DNAJC24: variants seen among roughly 807,000 people sequenced by gnomAD.
DNAJC24 encodes DnaJ heat shock protein family (Hsp40) member C24.
DNAJC24 carries 17 observed loss-of-function variants against 18.0 expected under a neutral mutation model. The ratio of observed to expected loss-of-function variants is 0.94; its 90% CI spans 0.65 to 1.42. The LOEUF (loss-of-function observed/expected upper bound fraction) is 1.42. Among genes scored for constraint, DNAJC24 ranks in the 40% most tolerant of loss-of-function variants. The probability of loss-of-function intolerance (pLI) is 0.00; values close to 1 mark genes in which losing one functional copy is unlikely to be tolerated. For missense variants in DNAJC24, 158 were observed against 175.6 expected, an observed-to-expected ratio of 0.90 and a Z score of 0.57; for synonymous variants, 55 against 57.7, an observed-to-expected ratio of 0.95 and a Z score of 0.21.
At chr11:31,376,176 A>G (rs1259171668) in intron 2 of DNAJC24, among the ~76,000 whole-genome samples, 3 of 152,218 alleles carry the variant, frequency 2.0e-5, no homozygotes, top group Non-Finnish European at 2.9e-5. Context: ...GCCTGCTGCC[A>G]TGTAAGACAT....
At chr11:31,384,263 T>C (rs1302918623) in intron 2 of DNAJC24, among the ~76,000 whole-genome samples, 1 of 152,184 alleles carries the variant, frequency 6.6e-6, no homozygotes, top group Non-Finnish European at 1.5e-5. Context: ...TCAGAAAGTC[T>C]CCCCACTTCT....
At position 31,432,367 on chromosome 11, in the gene DNAJC24, T is replaced by G. The variant is rs1316916090; in HGVS notation, c.*1966T>G. 1.7e-6 allele frequency: 1 copy of G among 598,276 alleles called. No individual in the cohort carries two copies. The highest frequency in any genetic ancestry group is 1.9e-5 in the African/African-American group (1 of 53,466). The allele number at this position is 598,276 out of a possible 1,614,324, so 37.1% of individuals were successfully genotyped here. On this transcript the variant is annotated 3_prime_UTR_variant, in exon 5 of 5. Transcript: ENST00000465995. ...AACTTGGCAGAATGTGTGTTGAATA[T>G]TCTTTACATTTAACAATTAAAAACA...
At chr11:31,374,036 A>C in intron 2 of DNAJC24, 1 of 332,842 alleles carries the variant, frequency 3.0e-6, no homozygotes, top group South Asian at 2.3e-5. Context: ...TGTCATTTGC[A>C]GATAACGAGA....
At chr11:31,376,613 G>C (rs1286478729) in intron 2 of DNAJC24, among the ~76,000 whole-genome samples, 3 of 152,188 alleles carry the variant, frequency 2.0e-5, no homozygotes, top group African/African-American at 7.2e-5. Flanking sequence ...TAAGTGGTTT[G>C]TCAGAAACAC....
intron 2 of DNAJC24, among the ~76,000 whole-genome samples, chr11:31,401,739 G>A (rs1952603168): frequency 6.6e-6 from 1 of 152,166 alleles, no homozygotes; most frequent in Non-Finnish European, 1.5e-5. Context: ...GGAGAATGGA[G>A]GCAATCATTA....
chr11:31,432,559 G>C lies in DNAJC24; in HGVS notation c.*2158G>C. On this transcript the variant is annotated 3_prime_UTR_variant, in exon 5 of 5. Coordinates refer to ENST00000465995, the MANE Select transcript of DNAJC24 (RefSeq NM_181706.5). Reference sequence around the variant, plus strand: ...GCACGTAAAAATCCAAAATCACTCAGAGGCCAAATCTGTAAAATCAAAATG... The same window carrying C: ...GCACGTAAAAATCCAAAATCACTCACAGGCCAAATCTGTAAAATCAAAATG... 1 of 1,611,306 alleles carries C rather than the reference G, an allele frequency of 6.2e-7. No individual in the cohort carries two copies.
intron 2 of DNAJC24, chr11:31,396,219 C>A: frequency 2.2e-6 from 1 of 444,662 alleles, no homozygotes; most frequent in South Asian, 1.6e-5. Flanking sequence ...CCTCTCTGGG[C>A]AGGAGCATGT....
rs957828834 is a variant in DNAJC24 at position 31,432,004 on chromosome 11, G to A, written c.*1603G>A. On this transcript the variant is annotated 3_prime_UTR_variant, in exon 5 of 5. Transcript: ENST00000465995. ...ATTTAATATTTTGTGTACAGTAAAA[G>A]TCAGAACTCATTTAAAGAACTTTAA... 2.0e-5 allele frequency among the ~76,000 whole-genome samples: 3 copies of A among 152,082 alleles called. No homozygotes were observed. The highest frequency in any genetic ancestry group is 4.4e-5 in the Non-Finnish European group (3 of 68,014).
intron 2 of DNAJC24, chr11:31,408,201 C>T: frequency 2.2e-6 from 1 of 456,216 alleles, no homozygotes. Context: ...CATCTTCTGA[C>T]TTGCCCATGA....
At chr11:31,429,470 T>G (rs1407188560) in intron 4 of DNAJC24, 1 of 399,054 alleles carries the variant, frequency 2.5e-6, no homozygotes, top group Middle Eastern at 3.5e-4. Flanking sequence ...GATAAGTTAT[T>G]TTCCTTTGAC....
intron 2 of DNAJC24, among the ~76,000 whole-genome samples, chr11:31,404,249 A>G (rs1373746488): frequency 1.3e-5 from 2 of 152,190 alleles, no homozygotes; most frequent in South Asian, 2.1e-4. Context: ...CCATCTGGGA[A>G]TGCAGCCCAG....
At position 31,373,642 on chromosome 11, in the gene DNAJC24, T is replaced by C. The variant is rs971377568; in HGVS notation, c.111+2783T>C. On this transcript the variant is annotated intron_variant, in intron 2 of 4. Coordinates refer to ENST00000465995, the MANE Select transcript of DNAJC24 (RefSeq NM_181706.5). ...TTGTAAATGTCTACCAAAAAAATCT[T>C]GCTTGAGTTTTCAACTGGGATTGCA... 5.9e-5 allele frequency among the ~76,000 whole-genome samples: 8 copies of C among 135,144 alleles called. 2 individuals are homozygous for C. The highest frequency in any genetic ancestry group is 1.7e-4 in the African/African-American group (7 of 40,372). The allele number at this position is 135,144 out of a possible 152,430, so 88.7% of individuals were successfully genotyped here.
chr11:31,370,801 C>T lies in DNAJC24; in HGVS notation c.53C>T (p.Ala18Val). 1 of 1,613,078 alleles carries T rather than the reference C, an allele frequency of 6.2e-7. No homozygotes were observed. Reference sequence around the variant, plus strand: ...AAGGATTGGTACAGCATCCTGGGAGCAGACCCATCTGCAAATATATCAGAC... The same window carrying T: ...AAGGATTGGTACAGCATCCTGGGAGTAGACCCATCTGCAAATATATCAGAC... Reference protein sequence around the residue: ...PKKDWYSILGADPSANISDLK... With the variant: ...PKKDWYSILGVDPSANISDLK... The change falls in exon 2 of 5, where the codon GCA (alanine) becomes GTA (valine). Residue 18 changes from alanine (A) to valine (V), a missense_variant. Coordinates refer to ENST00000465995, the MANE Select transcript of DNAJC24 (RefSeq NM_181706.5).
chr11:31,398,370 T>G (rs901648647), intron 2 of DNAJC24, among the ~76,000 whole-genome samples: 10 of 152,212 alleles, frequency 6.6e-5, no homozygotes, highest in African/African-American at 2.4e-4. Context: ...TTTGAACACC[T>G]ATATATGAGA....
intron 2 of DNAJC24, among the ~76,000 whole-genome samples, chr11:31,397,331 C>T (rs1371977997): frequency 6.6e-6 from 1 of 152,148 alleles, no homozygotes; most frequent in Non-Finnish European, 1.5e-5. Context: ...AGCACAAAAC[C>T]TTAAAAGAGT....
At chr11:31,415,102 CT>C in intron 3 of DNAJC24, 153 bp downstream of exon 3, 2 of 778,662 alleles carry the variant, frequency 2.6e-6, no homozygotes, top group Non-Finnish European at 3.9e-6. Context: ...ATGCCCTATT[CT>C]TAGCAGTGAC....
At chr11:31,400,024 T>C (rs1185918144) in intron 2 of DNAJC24, among the ~76,000 whole-genome samples, 2 of 152,136 alleles carry the variant, frequency 1.3e-5, no homozygotes, top group African/African-American at 2.4e-5. Context: ...TGGTTTTCTG[T>C]TCCTATGTTA....
intron 3 of DNAJC24, chr11:31,416,745 A>G (rs768747252): frequency 1.3e-5 from 2 of 152,174 alleles, no homozygotes; most frequent in African/African-American, 2.4e-5. Flanking sequence ...GGTAGGCCAG[A>G]AACCAAAAGA....
chr11:31,402,423 G>A (rs1479146487), intron 2 of DNAJC24, among the ~76,000 whole-genome samples: 1 of 152,106 alleles, frequency 6.6e-6, no homozygotes, highest in East Asian at 1.9e-4. Flanking sequence ...TATAAACATT[G>A]TACACTTAGG....
Sources: allele counts gnomAD v4.1 joint callset (sites outside exome capture counted in the v4.1 genomes callset), GRCh38; gene constraint gnomAD v4.1.1; transcripts MANE v1.5; gene names NCBI Gene and HGNC (gene_info 2026-07-23, HGNC 2026-07-21).